TNR: variants seen among roughly 807,000 people sequenced by gnomAD.
TNR encodes the protein tenascin R.
Under a neutral mutation model 150.4 loss-of-function variants are expected in TNR, and 45 were observed. The ratio of observed to expected loss-of-function variants is 0.30; its 90% CI spans 0.24 to 0.38. The LOEUF is 0.38. TNR is among the 10% of genes least tolerant of loss of function. The probability of loss-of-function intolerance (pLI) is 1.00; values close to 1 mark genes in which losing one functional copy is unlikely to be tolerated. For missense variants in TNR, 1,544 were observed against 1,759.1 expected, an observed-to-expected ratio of 0.88 and a Z score of 2.19; for synonymous variants, 687 against 678.4, an observed-to-expected ratio of 1.01 and a Z score of -0.20.
intron 2 of TNR, among the ~76,000 whole-genome samples, chr1:175,446,558 G>A (rs943819376): frequency 2.0e-5 from 3 of 152,028 alleles, no homozygotes; most frequent in Non-Finnish European, 2.9e-5. Context: ...TAGATCCATC[G>A]ACAGATATGT....
At chr1:175,718,614 T>C (rs1667220267) in intron 1 of TNR, among the ~76,000 whole-genome samples, 1 of 152,236 alleles carries the variant, frequency 6.6e-6, no homozygotes, top group African/African-American at 2.4e-5. Context: ...CTCCCCTCGA[T>C]GGGTCTGGTA....
Position 175,318,512 on chromosome 1 carries a change from G to C in TNR, c.*4845C>G, listed in dbSNP as rs972752763. 4.6e-5 allele frequency: 7 copies of C among 152,176 alleles called. No individual in the cohort carries two copies. Among genetic ancestry groups the C allele is most frequent in the Admixed American group, 3.3e-4 (5 of 15,276 alleles). The allele number at this position is 152,176 out of a possible 1,614,324, so 9.4% of individuals were successfully genotyped here. A position where few individuals can be genotyped will look rare whatever the true frequency, so the allele number is the denominator to read the frequency against. On this transcript the variant is annotated 3_prime_UTR_variant, in exon 23 of 23. Coordinates refer to ENST00000367674, the MANE Select transcript of TNR (RefSeq NM_003285.3). Reference sequence around the variant, plus strand: ...GGAGTTACTTTCCCTGCTTGCTTTTGAAAGTTTTCATTTGGTCTGTGAGTT... The same window carrying C: ...GGAGTTACTTTCCCTGCTTGCTTTTCAAAGTTTTCATTTGGTCTGTGAGTT...
intron 2 of TNR, among the ~76,000 whole-genome samples, chr1:175,438,306 A>G (rs12406528): frequency 1.3e-5 from 2 of 152,226 alleles, no homozygotes; most frequent in Admixed American, 1.3e-4. Flanking sequence ...GATGTAGAAA[A>G]GGCCTTTGAC....
At chr1:175,723,042 G>A (rs1288978246) in intron 1 of TNR, among the ~76,000 whole-genome samples, 3 of 150,612 alleles carry the variant, frequency 2.0e-5, no homozygotes, top group South Asian at 2.1e-4. Flanking sequence ...TGCCCACCTC[G>A]GCCTCCCAAA....
chr1:175,439,716 A>G (rs1265486824), intron 2 of TNR, among the ~76,000 whole-genome samples: 1 of 152,246 alleles, frequency 6.6e-6, no homozygotes, highest in African/African-American at 2.4e-5. Context: ...TGGGCGAAGG[A>G]TATGAACAGA....
At chr1:175,659,315 C>T (rs1665289648) in intron 1 of TNR, among the ~76,000 whole-genome samples, 1 of 152,308 alleles carries the variant, frequency 6.6e-6, no homozygotes, top group East Asian at 1.9e-4. Context: ...TTCTCTTCAA[C>T]CCATTATGTA....
At position 175,335,721 on chromosome 1, in the gene TNR, CTCA is replaced by C. The variant is rs1650211816; in HGVS notation, c.3618_3620del (p.Asp1206del). The C allele has an allele frequency of 6.2e-7, 1 of 1,613,868 alleles. No individual in the cohort carries two copies. Among genetic ancestry groups the C allele is most frequent in the Non-Finnish European group, 8.5e-7 (1 of 1,179,982 alleles). ...ATAAGGAGGCTTTACCCAGCCAGAA[CTCA>C]TCCTCCACGTTCCCGAAGCCAACAC... On this transcript the variant is annotated inframe_deletion, in exon 20 of 23. Transcript: ENST00000367674.
chr1:175,317,766 C>T lies in TNR; in HGVS notation c.*5591G>A, dbSNP rs1314451516. On this transcript the variant is annotated 3_prime_UTR_variant, in exon 23 of 23. Coordinates refer to ENST00000367674, the MANE Select transcript of TNR (RefSeq NM_003285.3). ...CTTTAGCATTAGCCTGGCTTCATGG[C>T]CCAGACAATAAGGAGCTGTTTTATG... is the stretch of plus-strand genomic sequence containing the variant. 1 of 152,220 alleles carries T rather than the reference C, an allele frequency of 6.6e-6. No individual in the cohort carries two copies. Among genetic ancestry groups the T allele is most frequent in the Non-Finnish European group, 1.5e-5 (1 of 68,080 alleles). 9.4% of individuals were successfully genotyped at this position (152,220 alleles called of 1,614,324 possible).
At chr1:175,661,396 T>G (rs1446553463) in intron 1 of TNR, among the ~76,000 whole-genome samples, 1 of 152,150 alleles carries the variant, frequency 6.6e-6, no homozygotes, top group African/African-American at 2.4e-5. Flanking sequence ...TTGATGTAAT[T>G]GAGAATGAAA....
At chr1:175,409,561 G>A (rs996538274) in intron 2 of TNR, among the ~76,000 whole-genome samples, 4 of 152,098 alleles carry the variant, frequency 2.6e-5, no homozygotes, top group African/African-American at 4.8e-5. Flanking sequence ...TGTAACTACC[G>A]AAATCTTATT....
At chr1:175,346,966 T>A (rs530487667) in intron 18 of TNR, among the ~76,000 whole-genome samples, 18 of 150,194 alleles carry the variant, frequency 1.2e-4, no homozygotes, top group African/African-American at 3.7e-4. Flanking sequence ...CTTTTTAGAG[T>A]GAGATTAGTG....
chr1:175,555,864 A>T (rs1199873135), intron 1 of TNR, among the ~76,000 whole-genome samples: 1 of 152,212 alleles, frequency 6.6e-6, no homozygotes, highest in East Asian at 1.9e-4. Flanking sequence ...CCTTCCAACC[A>T]TGAGTTGTGT....
At chr1:175,324,252 T>C (rs1303882056) in intron 22 of TNR, 104 bp downstream of exon 22, 1 of 1,252,116 alleles carries the variant, frequency 8.0e-7, no homozygotes, top group African/African-American at 1.5e-5. Context: ...TATTTCTTTT[T>C]AAAGGGAAAT....
At chr1:175,414,700 T>G (rs962637081) in intron 2 of TNR, among the ~76,000 whole-genome samples, 2 of 152,130 alleles carry the variant, frequency 1.3e-5, no homozygotes, top group African/African-American at 2.4e-5. Context: ...GGGAGAGACT[T>G]GGGTCACCCA....
At chr1:175,582,595 G>A (rs1410310423) in intron 1 of TNR, among the ~76,000 whole-genome samples, 4 of 152,140 alleles carry the variant, frequency 2.6e-5, no homozygotes, top group Non-Finnish European at 5.9e-5. Context: ...GGGGGTGGTG[G>A]AGAACTCCAC....
chr1:175,327,860 C>T (rs939439699), intron 21 of TNR, among the ~76,000 whole-genome samples: 1 of 152,234 alleles, frequency 6.6e-6, no homozygotes, highest in Non-Finnish European at 1.5e-5. Flanking sequence ...GTAATCCCAG[C>T]ACTTTGGCAG....
chr1:175,585,977 C>A (rs1662547135), intron 1 of TNR, among the ~76,000 whole-genome samples: 1 of 152,184 alleles, frequency 6.6e-6, no homozygotes, highest in Non-Finnish European at 1.5e-5. Flanking sequence ...CTTGGGCACA[C>A]TTGTAACTCA....
chr1:175,550,495 C>T (rs1325301018), intron 1 of TNR, among the ~76,000 whole-genome samples: 3 of 151,950 alleles, frequency 2.0e-5, no homozygotes, highest in Non-Finnish European at 4.4e-5. Flanking sequence ...ACTCTTCCCC[C>T]CTCACCCCCC....
intron 2 of TNR, among the ~76,000 whole-genome samples, chr1:175,482,005 C>T (rs1353937107): frequency 1.3e-5 from 2 of 152,186 alleles, no homozygotes; most frequent in Non-Finnish European, 2.9e-5. Flanking sequence ...CACAACCACA[C>T]CCTGCCTCGT....
Sources: gnomAD v4.1 joint callset for allele counts (sites outside exome capture counted in the v4.1 genomes callset) on GRCh38, gnomAD v4.1.1 for gene constraint, MANE v1.5 for transcripts, NCBI Gene and HGNC (gene_info 2026-07-23, HGNC 2026-07-21) for gene names.